Variants in RARB observed in about 807,000 individuals in gnomAD.
RARB encodes retinoic acid receptor beta.
A neutral mutation model predicts 51.9 loss-of-function variants in RARB; 17 were observed. The observed-to-expected ratio is 0.33, with a 90% CI of 0.22 to 0.49. The LOEUF (loss-of-function observed/expected upper bound fraction) is 0.49. Ranked by LOEUF, RARB falls within the 20% of genes least tolerant of loss-of-function variation. The pLI is 0.99. For synonymous variants in RARB, 215 were observed against 195.4 expected, an observed-to-expected ratio of 1.10 and a Z score of -0.84; for missense variants, 369 against 550.8, an observed-to-expected ratio of 0.67 and a Z score of 3.30.
intron 5 of RARB, among the ~76,000 whole-genome samples, chr3:25,382,210 C>T (rs1706649023): frequency 6.6e-6 from 1 of 152,136 alleles, no homozygotes; most frequent in Non-Finnish European, 1.5e-5. Flanking sequence ...GTAGGCAAGA[C>T]TAGATGATCC....
At chr3:25,097,663 A>G (rs1699324406) in intron 3 of RARB, among the ~76,000 whole-genome samples, 1 of 152,084 alleles carries the variant, frequency 6.6e-6, no homozygotes, top group African/African-American at 2.4e-5. Context: ...AAGCTTTCTA[A>G]TTCTTACCTA....
chr3:25,564,840 A>G (rs1700424696), intron 3 of RARB, among the ~76,000 whole-genome samples: 1 of 152,142 alleles, frequency 6.6e-6, no homozygotes, highest in Admixed American at 6.5e-5. Flanking sequence ...TCAAACTCCC[A>G]GGTCTGGCAT....
intron 2 of RARB, among the ~76,000 whole-genome samples, chr3:24,928,965 C>T (rs567913018): frequency 6.6e-6 from 1 of 152,138 alleles, no homozygotes; most frequent in South Asian, 2.1e-4. Context: ...TATTCTCACT[C>T]AGAGATGATC....
chr3:25,334,515 A>G (rs1705004248), intron 5 of RARB, among the ~76,000 whole-genome samples: 1 of 151,974 alleles, frequency 6.6e-6, no homozygotes, highest in Admixed American at 6.6e-5. Flanking sequence ...AACATCACAC[A>G]CTGGGGCCTG....
At chr3:25,098,248 C>G (rs1054508202) in intron 3 of RARB, among the ~76,000 whole-genome samples, 3 of 152,070 alleles carry the variant, frequency 2.0e-5, no homozygotes, top group African/African-American at 4.8e-5. Flanking sequence ...AGTTGATATT[C>G]TAGGACAGGA....
chr3:25,313,224 G>T (rs1055788801), intron 5 of RARB, among the ~76,000 whole-genome samples: 9 of 152,080 alleles, frequency 5.9e-5, no homozygotes, highest in Admixed American at 2.6e-4. Flanking sequence ...TTTCTCTAGG[G>T]TGAGTGACCC....
At chr3:25,347,472 T>C (rs761082437) in intron 5 of RARB, among the ~76,000 whole-genome samples, 1 of 152,224 alleles carries the variant, frequency 6.6e-6, no homozygotes, top group Non-Finnish European at 1.5e-5. Flanking sequence ...CAATTATATA[T>C]AACAAAGAAA....
At chr3:25,430,953 A>AT (rs147662338) in intron 1 of RARB, among the ~76,000 whole-genome samples, 20,383 of 109,900 alleles carry the variant, frequency 0.19, 1,716 homozygotes, top group Non-Finnish European at 0.24. Flanking sequence ...TGTTCCAACG[A>AT]TTTTTTTTTT....
chr3:24,986,681 T>C (rs1458431453), intron 2 of RARB, among the ~76,000 whole-genome samples: 2 of 152,220 alleles, frequency 1.3e-5, no homozygotes, highest in African/African-American at 2.4e-5. Flanking sequence ...GTAGTTAATT[T>C]CTGGGAGATT....
chr3:25,479,673 C>A (rs1003723924), intron 2 of RARB, among the ~76,000 whole-genome samples: 5 of 152,186 alleles, frequency 3.3e-5, no homozygotes, highest in African/African-American at 4.8e-5. Context: ...GTCTTCAAAT[C>A]TCATACTTGG....
At chr3:24,876,005 C>T (rs1265797937) in intron 2 of RARB, among the ~76,000 whole-genome samples, 1 of 152,060 alleles carries the variant, frequency 6.6e-6, no homozygotes, top group East Asian at 1.9e-4. Flanking sequence ...GACTGTCCCT[C>T]CGTTTGGATC....
chr3:24,974,194 C>T (rs1010191404), intron 2 of RARB, among the ~76,000 whole-genome samples: 1 of 152,000 alleles, frequency 6.6e-6, no homozygotes, highest in African/African-American at 2.4e-5. Context: ...TTTCCAGCAT[C>T]AATTGAAATA....
intron 3 of RARB, among the ~76,000 whole-genome samples, chr3:25,537,458 A>G (rs1188500965): frequency 1.3e-5 from 2 of 152,200 alleles, no homozygotes; most frequent in Non-Finnish European, 2.9e-5. Flanking sequence ...GATATAGTCT[A>G]CATTCGCAAT....
At chr3:25,499,656 GTGTT>G (rs58572161) in intron 2 of RARB, among the ~76,000 whole-genome samples, 76,187 of 151,058 alleles carry the variant, frequency 0.5, 20,217 homozygotes, top group African/African-American at 0.68. Context: ...ACTCTTTCAA[GTGTT>G]TGTTTAGTAA....
At chr3:25,280,156 G>A (rs1703486334) in intron 5 of RARB, among the ~76,000 whole-genome samples, 1 of 152,188 alleles carries the variant, frequency 6.6e-6, no homozygotes, top group Non-Finnish European at 1.5e-5. Flanking sequence ...TTGACAAAGA[G>A]TAGGCAGTCA....
At chr3:25,197,886 C>T (rs949530089) in intron 5 of RARB, among the ~76,000 whole-genome samples, 1 of 151,760 alleles carries the variant, frequency 6.6e-6, no homozygotes, top group South Asian at 2.1e-4. Flanking sequence ...CAGAGCAATC[C>T]CTAGCAAAAT....
chr3:25,129,686 T>C (rs1291095959), intron 3 of RARB, among the ~76,000 whole-genome samples: 6 of 152,074 alleles, frequency 3.9e-5, no homozygotes, highest in Non-Finnish European at 5.9e-5. Flanking sequence ...ATGACTACTA[T>C]AAATTTCTAA....
Position 25,008,185 on chromosome 3 carries a change from A to G in RARB, c.-379-51940A>G, listed in dbSNP as rs7629507. The stretch of plus-strand genomic sequence containing the variant: ...TAACAGTGTTTCGTTTGGGCAGTTC[A>G]GAGTTTTCAGGAAGTGTGAATTTGA... On this transcript the variant is annotated intron_variant, in intron 2 of 11. Coordinates refer to the RARB transcript ENST00000383772. Among the ~76,000 whole-genome samples, 697 of 152,266 alleles carry G rather than the reference A, an allele frequency of 4.6e-3. 1 individual carries two copies. The highest frequency in any genetic ancestry group is 0.016 in the African/African-American group (679 of 41,552).
At chr3:25,404,748 A>G (rs1328508728) in intron 5 of RARB, among the ~76,000 whole-genome samples, 2 of 152,204 alleles carry the variant, frequency 1.3e-5, no homozygotes, top group Non-Finnish European at 2.9e-5. Flanking sequence ...TGATGTAGTT[A>G]GACTCACATT....
Sources: allele counts gnomAD v4.1 joint callset (sites outside exome capture counted in the v4.1 genomes callset), GRCh38; gene constraint gnomAD v4.1.1; transcripts MANE v1.5; gene names NCBI Gene and HGNC (gene_info 2026-07-23, HGNC 2026-07-21).